Variants in HORMAD2 observed in about 807,000 individuals in gnomAD.
HORMAD2 encodes HORMA domain-containing protein 2.
Under a neutral mutation model 38.8 loss-of-function variants are expected in HORMAD2, and 45 were observed. The observed-to-expected ratio is 1.16, with a 90% CI of 0.91 to 1.49. The LOEUF is 1.49. HORMAD2 is among the 40% of genes most tolerant of loss of function. The pLI is 0.00. For synonymous variants in HORMAD2, 126 were observed against 122.8 expected, an observed-to-expected ratio of 1.03 and a Z score of -0.17; for missense variants, 338 against 367.0, an observed-to-expected ratio of 0.92 and a Z score of 0.65.
intron 1 of HORMAD2, among the ~76,000 whole-genome samples, chr22:30,089,383 G>A (rs1394208825): frequency 6.8e-6 from 1 of 147,634 alleles, no homozygotes; most frequent in Non-Finnish European, 1.5e-5. Context: ...GATGGAGTCT[G>A]GCTCTGTCGG....
chr22:30,121,864 G>A lies in HORMAD2; in HGVS notation c.568+75G>A, dbSNP rs190755091. Reference sequence around the variant, plus strand: ...TTTCTATAAGTAAAAGGATTTTGCAGGCATCTGAAAGAGAAGTCTGTTGCT... The same window carrying A: ...TTTCTATAAGTAAAAGGATTTTGCAAGCATCTGAAAGAGAAGTCTGTTGCT... On this transcript the variant is annotated intron_variant, in intron 9 of 10. Coordinates refer to ENST00000336726, the MANE Select transcript of HORMAD2 (RefSeq NM_152510.4). 119 of 1,541,986 alleles carry A rather than the reference G, an allele frequency of 7.7e-5. 2 individuals are homozygous for A. The East Asian group carries it at 2.7e-3, about 35-fold the overall frequency.
In HORMAD2 at chr22:30,122,064, C is replaced by G. The variant is rs1294088286; in HGVS notation, c.669C>G (p.Val223=). The change falls in exon 10 of 11, where the codon GTC becomes GTG. Residue 223 remains valine (V), a synonymous_variant. Transcript: ENST00000336726. ...KEPINVQVGF[V]STGFHSMKVK... is the part of the protein sequence containing the mutation. Reference sequence around the variant, plus strand: ...CTATCAACGTGCAAGTGGGATTTGTCTCCACTGGCTTTCATAGCATGAAAG... The same window carrying G: ...CTATCAACGTGCAAGTGGGATTTGTGTCCACTGGCTTTCATAGCATGAAAG... The G allele has an allele frequency of 3.1e-6, 5 of 1,613,506 alleles. No homozygotes were observed. The highest frequency in any genetic ancestry group is 3.3e-4 in the Middle Eastern group (2 of 6,084).
intron 5 of HORMAD2, among the ~76,000 whole-genome samples, chr22:30,107,576 C>T (rs1448026560): frequency 6.6e-6 from 1 of 151,844 alleles, no homozygotes; most frequent in African/African-American, 2.4e-5. Flanking sequence ...TGGTGACACC[C>T]TGTCTCTGCT....
At chr22:30,158,381 TGGTTAGACCCTTCC>T (rs1569115152) in intron 10 of HORMAD2, among the ~76,000 whole-genome samples, 1 of 152,222 alleles carries the variant, frequency 6.6e-6, no homozygotes, top group Non-Finnish European at 1.5e-5. Flanking sequence ...TGATTTCACT[TGGTTAGACCCTTCC>T]TAATCAGGAT....
chr22:30,192,433 G>A, the HORMAD2 span, among the ~76,000 whole-genome samples: 9 of 152,166 alleles, frequency 5.9e-5, no homozygotes, highest in Non-Finnish European at 1.0e-4. Flanking sequence ...CTGCTCAGAG[G>A]TGTGAGGATT....
chr22:30,113,940 A>G (rs1921853635), intron 7 of HORMAD2, among the ~76,000 whole-genome samples: 1 of 152,160 alleles, frequency 6.6e-6, no homozygotes, highest in African/African-American at 2.4e-5. Flanking sequence ...TCCCCACCAC[A>G]CTGTAAGTTT....
chr22:30,087,470 G>T (rs768849894), intron 1 of HORMAD2, among the ~76,000 whole-genome samples: 2 of 152,082 alleles, frequency 1.3e-5, no homozygotes, highest in Non-Finnish European at 2.9e-5. Flanking sequence ...GTTCATCCAG[G>T]GAGTGTGTGG....
chr22:30,196,498 C>G, the HORMAD2 span, among the ~76,000 whole-genome samples: 71,720 of 151,984 alleles, frequency 0.47, 17,433 homozygotes, highest in East Asian at 0.69. Context: ...CGGTGGCCAG[C>G]GTCAGCGTTT....
the HORMAD2 span, among the ~76,000 whole-genome samples, chr22:30,204,310 T>A: frequency 1.3e-5 from 2 of 152,220 alleles, no homozygotes; most frequent in African/African-American, 4.8e-5. Flanking sequence ...AGTGTGGTCC[T>A]CACAGTAGCT....
chr22:30,118,958 T>C (rs1350465974), intron 7 of HORMAD2, 22 bp from the exon 8 acceptor site: 18 of 1,523,774 alleles, frequency 1.2e-5, no homozygotes, highest in Non-Finnish European at 1.6e-5. Flanking sequence ...TTTTTTTTCT[T>C]TATTTCCTTT....
chr22:30,175,413 T>C (rs1335232483), intron 10 of HORMAD2, among the ~76,000 whole-genome samples: 1 of 149,334 alleles, frequency 6.7e-6, no homozygotes, highest in African/African-American at 2.5e-5. Flanking sequence ...GGAAAATATA[T>C]AAATGTCCTC....
intron 10 of HORMAD2, among the ~76,000 whole-genome samples, chr22:30,150,856 T>C (rs1924705064): frequency 6.6e-6 from 1 of 152,212 alleles, no homozygotes; most frequent in Non-Finnish European, 1.5e-5. Context: ...CTGCACTTTG[T>C]ATTCCATTAT....
the HORMAD2 span, among the ~76,000 whole-genome samples, chr22:30,183,510 C>T: frequency 6.6e-6 from 1 of 152,218 alleles, no homozygotes; most frequent in Non-Finnish European, 1.5e-5. Context: ...AGGCCAGACA[C>T]TCCATTAAGC....
intron 1 of HORMAD2, among the ~76,000 whole-genome samples, chr22:30,085,178 A>G (rs1420973698): frequency 6.6e-6 from 1 of 152,046 alleles, no homozygotes; most frequent in Non-Finnish European, 1.5e-5. Context: ...ACAAGACACA[A>G]AAGATCACAT....
chr22:30,157,953 G>A (rs928541920), intron 10 of HORMAD2, among the ~76,000 whole-genome samples: 4 of 152,054 alleles, frequency 2.6e-5, no homozygotes, highest in Non-Finnish European at 4.4e-5. Context: ...ACATGTACCA[G>A]ATATTATATC....
At chr22:30,132,812 G>A (rs1923379251) in intron 10 of HORMAD2, among the ~76,000 whole-genome samples, 1 of 151,700 alleles carries the variant, frequency 6.6e-6, no homozygotes, top group Non-Finnish European at 1.5e-5. Flanking sequence ...CTTTCCTTTT[G>A]TGAGTAGGAA....
At chr22:30,117,659 C>T (rs1466183137) in intron 7 of HORMAD2, among the ~76,000 whole-genome samples, 2 of 152,082 alleles carry the variant, frequency 1.3e-5, no homozygotes, top group Admixed American at 1.3e-4. Context: ...CAGGCGCACA[C>T]CACCACGCCC....
the HORMAD2 span, among the ~76,000 whole-genome samples, chr22:30,198,356 C>T: frequency 1.3e-5 from 2 of 152,182 alleles, no homozygotes; most frequent in Admixed American, 6.5e-5. Context: ...GAAGTAGCAG[C>T]CTTGCTTGTG....
At chr22:30,146,868 A>G (rs1924452202) in intron 10 of HORMAD2, among the ~76,000 whole-genome samples, 1 of 152,222 alleles carries the variant, frequency 6.6e-6, no homozygotes, top group African/African-American at 2.4e-5. Flanking sequence ...ACAGATTAAT[A>G]CATAGAAATT....
Sources: allele counts gnomAD v4.1 joint callset (sites outside exome capture counted in the v4.1 genomes callset), GRCh38; gene constraint gnomAD v4.1.1; transcripts MANE v1.5; gene names NCBI Gene and HGNC (gene_info 2026-07-23, HGNC 2026-07-21).